Variants in OGDH observed in about 807,000 individuals in gnomAD.
OGDH encodes 2-oxoglutarate dehydrogenase complex component E1.
Under a neutral mutation model 116.6 loss-of-function variants are expected in OGDH, and 38 were observed. That is an observed-to-expected ratio of 0.33 (90% CI 0.25 to 0.43). The LOEUF (loss-of-function observed/expected upper bound fraction) is 0.43, where lower values mean the gene tolerates loss of function less well. Among genes scored for constraint, OGDH ranks in the 20% least tolerant of loss-of-function variants. The pLI is 1.00. For synonymous variants in OGDH, 488 were observed against 533.3 expected (o/e 0.92, Z 1.17); for missense variants, 825 against 1,357.2 (o/e 0.61, Z 6.16).
At chr7:44,681,184 G>C (rs991287386) in intron 9 of OGDH, among the ~76,000 whole-genome samples, 2 of 152,208 alleles carry the variant, frequency 1.3e-5, no homozygotes, top group African/African-American at 4.8e-5. Flanking sequence ...TATACTCATT[G>C]CCAAGGAAAA....
intron 10 of OGDH, among the ~76,000 whole-genome samples, chr7:44,686,260 C>T (rs1212627214): frequency 6.6e-6 from 1 of 152,110 alleles, no homozygotes; most frequent in Non-Finnish European, 1.5e-5. Context: ...AGTATTTGAT[C>T]ATTAAGTATG....
At chr7:44,647,597 CTT>C in intron 3 of OGDH, 58 bp from the exon 4 acceptor site, 6 of 1,547,312 alleles carry the variant, frequency 3.9e-6, no homozygotes, top group Non-Finnish European at 4.4e-6. Context: ...CCCCTTCCCT[CTT>C]TTTTTTTCTT....
At chr7:44,645,154 T>G (rs1177003590) in intron 2 of OGDH, among the ~76,000 whole-genome samples, 173 bp from the exon 3 acceptor site, 1 of 152,114 alleles carries the variant, frequency 6.6e-6, no homozygotes, top group East Asian at 1.9e-4. Flanking sequence ...GCCTGAATGC[T>G]GAGAGAAACC....
chr7:44,657,173 T>A (rs1212983221), intron 4 of OGDH, among the ~76,000 whole-genome samples: 2 of 152,130 alleles, frequency 1.3e-5, no homozygotes, highest in Admixed American at 1.3e-4. Context: ...CTACACTAAA[T>A]TGATAAAGTA....
chr7:44,700,405 G>A, intron 19 of OGDH, 136 bp downstream of exon 19: 10 of 1,140,640 alleles, frequency 8.8e-6, no homozygotes, highest in Non-Finnish European at 1.2e-5. Flanking sequence ...AGGACATGGT[G>A]TCAGGGAGCC....
At chr7:44,682,794 A>T (rs1222288097) in intron 10 of OGDH, among the ~76,000 whole-genome samples, 1 of 152,040 alleles carries the variant, frequency 6.6e-6, no homozygotes, top group African/African-American at 2.4e-5. Flanking sequence ...TCGAGGCTGC[A>T]GTGAGCCATG....
intron 5 of OGDH, among the ~76,000 whole-genome samples, chr7:44,668,028 C>T (rs1489576019): frequency 6.6e-6 from 1 of 152,154 alleles, no homozygotes; most frequent in East Asian, 1.9e-4. Context: ...CAGCCCAGGT[C>T]CCCTAAATCA....
chr7:44,685,094 G>GT (rs1226190299), intron 10 of OGDH, among the ~76,000 whole-genome samples: 13 of 151,844 alleles, frequency 8.6e-5, no homozygotes, highest in Non-Finnish European at 1.0e-4. Flanking sequence ...CCTTTTTTCT[G>GT]TTTTTTTACT....
chr7:44,685,189 C>T (rs1788077480), intron 10 of OGDH, among the ~76,000 whole-genome samples: 1 of 152,108 alleles, frequency 6.6e-6, no homozygotes, highest in South Asian at 2.1e-4. Context: ...TAATATTGTG[C>T]AACCATCACC....
At position 44,694,474 on chromosome 7, in the gene OGDH, G is replaced by A. The variant is rs762157203; in HGVS notation, c.1566G>A (p.Thr522=). The change falls in exon 12 of 23, where the codon ACG becomes ACA. Residue 522 remains threonine (T), a synonymous_variant. Transcript: ENST00000222673. This position sits in a 1 kb window ranked among gnomAD's most constrained non-coding sequence, Gnocchi z 4.2. ...GHNEMDEPMF[T]QPLMYKQIRK... Reference sequence around the variant, plus strand: ...ACGAGATGGATGAGCCCATGTTCACGCAGCCGCTCATGTACAAGCAGATCC... The same window carrying A: ...ACGAGATGGATGAGCCCATGTTCACACAGCCGCTCATGTACAAGCAGATCC... 33 of 1,613,958 alleles carry A rather than the reference G, an allele frequency of 2.0e-5. No homozygotes were observed. The highest frequency in any genetic ancestry group is 2.7e-5 in the Non-Finnish European group (32 of 1,180,012).
chr7:44,611,250 T>A (rs1784552598), intron 1 of OGDH, among the ~76,000 whole-genome samples: 1 of 151,534 alleles, frequency 6.6e-6, no homozygotes, highest in African/African-American at 2.4e-5. Context: ...GCCTGGCTAA[T>A]TTTTGTATTT....
chr7:44,607,848 C>T (rs1309651403), intron 1 of OGDH, among the ~76,000 whole-genome samples: 2 of 151,970 alleles, frequency 1.3e-5, no homozygotes, highest in African/African-American at 2.4e-5. Flanking sequence ...ATTACAGGCA[C>T]GCGCCATCAC....
At chr7:44,686,684 T>A (rs888928205) in intron 10 of OGDH, among the ~76,000 whole-genome samples, 2 of 148,030 alleles carry the variant, frequency 1.4e-5, no homozygotes, top group African/African-American at 2.6e-5. Flanking sequence ...TTATTTTCTT[T>A]TTTTCTTTTT....
intron 10 of OGDH, among the ~76,000 whole-genome samples, chr7:44,684,031 T>C (rs970037923): frequency 2.6e-5 from 4 of 152,148 alleles, no homozygotes; most frequent in African/African-American, 9.7e-5. Context: ...TGCAAGATAC[T>C]GGGTTAGTCA....
intron 4 of OGDH, among the ~76,000 whole-genome samples, chr7:44,649,247 T>G (rs373220822): frequency 2.1e-4 from 23 of 111,452 alleles, no homozygotes; most frequent in African/African-American, 6.5e-4. Context: ...TTTCTGTTGT[T>G]TTTTTTTTTT....
chr7:44,614,436 A>G (rs574869876), intron 1 of OGDH, among the ~76,000 whole-genome samples: 134 of 151,708 alleles, frequency 8.8e-4, no homozygotes, highest in African/African-American at 3.1e-3. Flanking sequence ...ATTTGTAGCC[A>G]TTATTTCTTT....
At chr7:44,616,693 G>GTA (rs370023003) in intron 1 of OGDH, among the ~76,000 whole-genome samples, 9 of 140,404 alleles carry the variant, frequency 6.4e-5, no homozygotes, top group African/African-American at 1.9e-4. Context: ...ATATGTATAT[G>GTA]TATATATATA....
chr7:44,669,383 G>A (rs906714849), intron 5 of OGDH, among the ~76,000 whole-genome samples: 2 of 151,912 alleles, frequency 1.3e-5, no homozygotes, highest in Admixed American at 6.6e-5. Context: ...AACTCCTGGA[G>A]TCAAGTGATC....
chr7:44,671,566 A>G (rs1477942253), intron 5 of OGDH, among the ~76,000 whole-genome samples: 1 of 150,866 alleles, frequency 6.6e-6, no homozygotes, highest in African/African-American at 2.4e-5. Flanking sequence ...GATCGAGACC[A>G]TCCTGGCTAA....
Sources: allele counts gnomAD v4.1 joint callset (sites outside exome capture counted in the v4.1 genomes callset), GRCh38; gene constraint gnomAD v4.1.1; non-coding constraint Gnocchi (gnomAD v3.1); transcripts MANE v1.5; gene names NCBI Gene and HGNC (gene_info 2026-07-23, HGNC 2026-07-21).